Variants in TXLNB observed in about 807,000 individuals in gnomAD.
The protein encoded by TXLNB is taxilin beta, also known as beta-taxilin.
In TXLNB, 37 loss-of-function variants were observed where a neutral mutation model predicts 57.4. That is an observed-to-expected ratio of 0.64 (90% confidence interval 0.50 to 0.85). The LOEUF is 0.85. Among genes scored for constraint, TXLNB ranks in the 40% least tolerant of loss-of-function variants. TXLNB has a pLI of 0.00. For synonymous variants in TXLNB, 302 were observed against 309.6 expected (o/e 0.98, Z 0.26); for missense variants, 848 against 825.6 (o/e 1.03, Z -0.33).
At chr6:139,280,272 A>AG (rs1554227042) in intron 2 of TXLNB, among the ~76,000 whole-genome samples, 3 of 145,352 alleles carry the variant, frequency 2.1e-5, no homozygotes, top group African/African-American at 8.3e-5. Context: ...AAAAAAAAAA[A>AG]AAAGAAAGAA....
the TXLNB span, among the ~76,000 whole-genome samples, chr6:139,217,303 A>G: frequency 6.6e-6 from 1 of 152,206 alleles, no homozygotes; most frequent in Non-Finnish European, 1.5e-5. Context: ...AGAAAAATCT[A>G]TGAAGTCAGC....
At chr6:139,255,253 G>A (rs562216398) in intron 7 of TXLNB, 30 of 380,128 alleles carry the variant, frequency 7.9e-5, no homozygotes, top group African/African-American at 5.3e-4. Flanking sequence ...AAGTACGGTG[G>A]AAATAAGAAG....
the TXLNB span, among the ~76,000 whole-genome samples, chr6:139,310,562 C>G: frequency 6.6e-6 from 1 of 152,196 alleles, no homozygotes; most frequent in African/African-American, 2.4e-5. Flanking sequence ...AATTCCGAAG[C>G]CTTCAGATTA....
chr6:139,208,087 AAGAG>A, the TXLNB span, among the ~76,000 whole-genome samples: 1 of 151,986 alleles, frequency 6.6e-6, no homozygotes, highest in Non-Finnish European at 1.5e-5. Flanking sequence ...AACAAAAAAA[AAGAG>A]AGAGAGAGAG....
At chr6:139,223,282 C>A in the TXLNB span, among the ~76,000 whole-genome samples, 1 of 151,982 alleles carries the variant, frequency 6.6e-6, no homozygotes, top group Admixed American at 6.6e-5. Context: ...CATAGTAGAT[C>A]AAAACTTGTG....
At chr6:139,265,403 G>A (rs1776589722) in intron 4 of TXLNB, among the ~76,000 whole-genome samples, 1 of 151,946 alleles carries the variant, frequency 6.6e-6, no homozygotes, top group South Asian at 2.1e-4. Flanking sequence ...CCTTTCTTAA[G>A]TTATCCTAAA....
chr6:139,214,084 T>A, the TXLNB span, among the ~76,000 whole-genome samples: 1 of 152,166 alleles, frequency 6.6e-6, no homozygotes, highest in Non-Finnish European at 1.5e-5. Flanking sequence ...TCTGAAACTA[T>A]TCCAATCAAT....
At chr6:139,203,712 C>T in the TXLNB span, 5 of 152,310 alleles carry the variant, frequency 3.3e-5, no homozygotes, top group African/African-American at 1.2e-4. Flanking sequence ...ATCAGTGTTT[C>T]CCCTCTTCAT....
chr6:139,317,482 C>G, the TXLNB span, among the ~76,000 whole-genome samples: 27 of 152,070 alleles, frequency 1.8e-4, 1 homozygote, highest in African/African-American at 5.8e-4. Flanking sequence ...TCACTGCAAC[C>G]TCCGCCTCCC....
rs983254129 is a variant in TXLNB at position 139,244,810 on chromosome 6, T to C, written c.1171-120A>G. The C allele has an allele frequency of 5.9e-6, 4 of 677,538 alleles. No individual in the cohort carries two copies. The African/African-American group carries it at 7.2e-5, about 12-fold the overall frequency. The allele number at this position is 677,538 out of a possible 1,614,324, so 42.0% of individuals were successfully genotyped here. A position where few individuals can be genotyped will look rare whatever the true frequency, so the allele number is the denominator to read the frequency against. The stretch of plus-strand genomic sequence containing the variant: ...GTTACCAGATGCTGAAGCAAACAAA[T>C]GTTCAATGTCAAGAATGAAGATTGT... On this transcript the variant is annotated intron_variant, in intron 8 of 9. Transcript: ENST00000358430.
chr6:139,262,247 G>A (rs1009192689), intron 5 of TXLNB, among the ~76,000 whole-genome samples: 3 of 152,172 alleles, frequency 2.0e-5, no homozygotes, highest in Non-Finnish European at 4.4e-5. Context: ...CAATTCTTAA[G>A]AGGGAGTGCG....
intron 3 of TXLNB, among the ~76,000 whole-genome samples, chr6:139,272,722 A>G (rs1776796713): frequency 6.6e-6 from 1 of 152,208 alleles, no homozygotes; most frequent in South Asian, 2.1e-4. Context: ...TAAAATGACT[A>G]TTGTCCTTTC....
At chr6:139,304,232 T>C in the TXLNB span, among the ~76,000 whole-genome samples, 41 of 152,160 alleles carry the variant, frequency 2.7e-4, no homozygotes, top group Non-Finnish European at 5.1e-4. Flanking sequence ...ATTGTATCCA[T>C]AAAGAATACA....
At chr6:139,254,785 A>G (rs1776293584) in intron 7 of TXLNB, among the ~76,000 whole-genome samples, 1 of 152,194 alleles carries the variant, frequency 6.6e-6, no homozygotes, top group Non-Finnish European at 1.5e-5. Context: ...CTGATGGCAT[A>G]GAAACTTGAG....
chr6:139,226,302 C>CAAAAAAAAAA, the TXLNB span, among the ~76,000 whole-genome samples: 3 of 39,244 alleles, frequency 7.6e-5, no homozygotes, highest in African/African-American at 1.1e-4. Flanking sequence ...GACCCTGTCT[C>CAAAAAAAAAA]AAAAAAAAAA....
At chr6:139,254,986 T>C (rs184061681) in intron 7 of TXLNB, among the ~76,000 whole-genome samples, 134 of 152,160 alleles carry the variant, frequency 8.8e-4, no homozygotes, top group Non-Finnish European at 9.3e-4. Flanking sequence ...GCCTGGCTAA[T>C]GTTTATATAT....
At chr6:139,266,619 C>A (rs1195885780) in intron 4 of TXLNB, among the ~76,000 whole-genome samples, 1 of 151,976 alleles carries the variant, frequency 6.6e-6, no homozygotes, top group African/African-American at 2.4e-5. Flanking sequence ...ATCAAAAGGT[C>A]TACACACACA....
chr6:139,274,047 A>T (rs1211587458), intron 3 of TXLNB, among the ~76,000 whole-genome samples: 1 of 152,254 alleles, frequency 6.6e-6, no homozygotes, highest in African/African-American at 2.4e-5. Context: ...TAAGTTAAAA[A>T]GTAAAATTAA....
At chr6:139,249,285 A>T (rs189785927) in intron 7 of TXLNB, among the ~76,000 whole-genome samples, 52 of 152,364 alleles carry the variant, frequency 3.4e-4, no homozygotes, top group Admixed American at 7.2e-4. Context: ...TTAGGGTAGC[A>T]TGTTTTGAAT....
Sources: allele counts gnomAD v4.1 joint callset (sites outside exome capture counted in the v4.1 genomes callset), GRCh38; gene constraint gnomAD v4.1.1; transcripts MANE v1.5; gene names NCBI Gene and HGNC (gene_info 2026-07-23, HGNC 2026-07-21).